XIRP2: variants seen among roughly 807,000 people sequenced by gnomAD.
XIRP2 encodes the protein xin actin binding repeat containing 2.
A neutral mutation model predicts 277.0 loss-of-function variants in XIRP2; 236 were observed. The observed-to-expected ratio is 0.85, with a 90% CI of 0.77 to 0.95. The LOEUF (loss-of-function observed/expected upper bound fraction) is 0.95, where lower values mean the gene tolerates loss of function less well. Among genes scored for constraint, XIRP2 ranks in the 40% least tolerant of loss-of-function variants. XIRP2 has a pLI of 0.00. For synonymous variants in XIRP2, 1,490 were observed against 1,416.5 expected (o/e 1.05, Z -1.17); for missense variants, 4,640 against 4,157.5 (o/e 1.12, Z -3.19).
chr2:167,070,620 T>C (rs1340120073), intron 2 of XIRP2, among the ~76,000 whole-genome samples: 1 of 152,236 alleles, frequency 6.6e-6, no homozygotes, highest in Non-Finnish European at 1.5e-5. Context: ...CTGTTTCTTA[T>C]CAGACAATAA....
intron 2 of XIRP2, among the ~76,000 whole-genome samples, chr2:167,117,680 C>T (rs1690933638): frequency 6.6e-6 from 1 of 152,204 alleles, no homozygotes; most frequent in Non-Finnish European, 1.5e-5. Context: ...TCTCATACAG[C>T]TTGAGATGAT....
chr2:167,052,616 A>G (rs1026394035), intron 2 of XIRP2, among the ~76,000 whole-genome samples: 1 of 152,176 alleles, frequency 6.6e-6, no homozygotes. Context: ...TTGTAAAATG[A>G]TGATTTATTT....
chr2:167,019,811 G>A (rs1042711812), intron 2 of XIRP2, among the ~76,000 whole-genome samples: 1 of 151,994 alleles, frequency 6.6e-6, no homozygotes, highest in African/African-American at 2.4e-5. Flanking sequence ...AATTCCTCAA[G>A]TTGTTACACT....
chr2:167,085,950 T>G (rs991349119), intron 2 of XIRP2, among the ~76,000 whole-genome samples: 3 of 152,162 alleles, frequency 2.0e-5, no homozygotes, highest in Non-Finnish European at 4.4e-5. Flanking sequence ...ACATTTAAAG[T>G]TAATATTGTT....
chr2:167,225,990 A>G (rs1694587493), intron 5 of XIRP2, among the ~76,000 whole-genome samples: 2 of 152,190 alleles, frequency 1.3e-5, no homozygotes, highest in African/African-American at 4.8e-5. Context: ...CATCAGTAAT[A>G]TTCATACAGC....
At chr2:167,114,312 G>C (rs1690835508) in intron 2 of XIRP2, among the ~76,000 whole-genome samples, 1 of 152,044 alleles carries the variant, frequency 6.6e-6, no homozygotes, top group Admixed American at 6.6e-5. Context: ...TTTCTCTGAG[G>C]TTTTGTTTAT....
At chr2:167,126,886 G>A (rs1194604223) in intron 2 of XIRP2, among the ~76,000 whole-genome samples, 1 of 152,140 alleles carries the variant, frequency 6.6e-6, no homozygotes, top group Non-Finnish European at 1.5e-5. Flanking sequence ...AATTCCATGA[G>A]TATAATACAA....
At chr2:167,165,242 A>G (rs1218901441) in intron 3 of XIRP2, among the ~76,000 whole-genome samples, 1 of 152,198 alleles carries the variant, frequency 6.6e-6, no homozygotes, top group Non-Finnish European at 1.5e-5. Flanking sequence ...TTGTCCATTC[A>G]CCTACTGAAG....
rs1239761591 is a variant in XIRP2 at position 167,210,720 on chromosome 2, T to C, written c.563-15T>C. 3 of 1,613,848 alleles carry C rather than the reference T, an allele frequency of 1.9e-6. No individual in the cohort carries two copies. Among genetic ancestry groups the C allele is most frequent in the Admixed American group, 1.7e-5 (1 of 59,994 alleles). ...GCTTAACACACATGTGTAAGCATGCTCTGTTTGCTTTCAGCGACTGCTGGC... is the reference window on the plus strand; with the variant it reads ...GCTTAACACACATGTGTAAGCATGCCCTGTTTGCTTTCAGCGACTGCTGGC... On this transcript the variant is annotated splice_polypyrimidine_tract_variant and intron_variant, in intron 3 of 10. Transcript: ENST00000409195.
At chr2:167,208,592 G>A (rs572950094) in intron 3 of XIRP2, among the ~76,000 whole-genome samples, 13 of 152,262 alleles carry the variant, frequency 8.5e-5, no homozygotes, top group Non-Finnish European at 1.3e-4. Context: ...ACAGGTGTGA[G>A]CCACCGCGCC....
chr2:167,030,737 G>T (rs188000180), intron 2 of XIRP2, among the ~76,000 whole-genome samples: 1 of 151,988 alleles, frequency 6.6e-6, no homozygotes, highest in Non-Finnish European at 1.5e-5. Context: ...CGCTTGGTGC[G>T]GAGCTGAGTT....
chr2:166,962,138 G>T (rs76299145), intron 2 of XIRP2, among the ~76,000 whole-genome samples: 4,593 of 151,706 alleles, frequency 0.03, 98 homozygotes, highest in East Asian at 0.079. Flanking sequence ...AGAATCCTGG[G>T]CACCTGGCCA....
intron 2 of XIRP2, among the ~76,000 whole-genome samples, chr2:166,977,450 ATATT>A (rs762714932): frequency 3.3e-5 from 5 of 152,168 alleles, no homozygotes; most frequent in Non-Finnish European, 7.4e-5. Context: ...AATTTGGAAG[ATATT>A]TATAGTGAAC....
chr2:167,215,949 A>G (rs577942216), intron 4 of XIRP2, among the ~76,000 whole-genome samples: 4 of 152,190 alleles, frequency 2.6e-5, no homozygotes, highest in Admixed American at 2.6e-4. Flanking sequence ...TTTCTATGGA[A>G]CAGAACAGAG....
At chr2:167,070,218 A>G (rs1689404490) in intron 2 of XIRP2, among the ~76,000 whole-genome samples, 1 of 152,016 alleles carries the variant, frequency 6.6e-6, no homozygotes, top group Non-Finnish European at 1.5e-5. Context: ...TCTTCCTTGT[A>G]TTTGGATCCC....
At chr2:167,154,686 C>T (rs1036063144) in intron 3 of XIRP2, among the ~76,000 whole-genome samples, 1 of 152,012 alleles carries the variant, frequency 6.6e-6, no homozygotes, top group African/African-American at 2.4e-5. Context: ...ATTAAAAGAA[C>T]TAGAAAAGCA....
chr2:166,926,028 G>C (rs1302042826), intron 2 of XIRP2, among the ~76,000 whole-genome samples: 1 of 151,874 alleles, frequency 6.6e-6, no homozygotes, highest in Non-Finnish European at 1.5e-5. Flanking sequence ...AAGCTACAAT[G>C]GTGCTACTGT....
intron 2 of XIRP2, among the ~76,000 whole-genome samples, chr2:167,027,881 C>T (rs1425273547): frequency 6.6e-6 from 1 of 152,018 alleles, no homozygotes; most frequent in African/African-American, 2.4e-5. Flanking sequence ...GTTAAAACTT[C>T]AGGATCTCTT....
chr2:167,250,034 C>A lies in XIRP2; in HGVS notation c.8642C>A (p.Ala2881Asp). 1 of 1,613,494 alleles carries A rather than the reference C, an allele frequency of 6.2e-7. No individual in the cohort carries two copies. The highest frequency in any genetic ancestry group is 8.5e-7 in the Non-Finnish European group (1 of 1,179,676). The change falls in exon 9 of 11, where the codon GCT becomes GAT. Residue 2881 changes from alanine to aspartate, a missense_variant. Physicochemically the swap from Ala to Asp is moderately radical, Grantham distance 126. Coordinates refer to ENST00000409195, the MANE Select transcript of XIRP2 (RefSeq NM_152381.6). The stretch of plus-strand genomic sequence containing the variant: ...CAAATACAGACCGCTGAAAGTAAAG[C>A]TGAACATAAAAAATTGCCCCAGCCA... The part of the protein sequence containing the change: ...QTQIQTAESK[A>D]EHKKLPQPYN...
Sources: gnomAD v4.1 joint callset for allele counts (sites outside exome capture counted in the v4.1 genomes callset) on GRCh38, gnomAD v4.1.1 for gene constraint, MANE v1.5 for transcripts, NCBI Gene and HGNC (gene_info 2026-07-23, HGNC 2026-07-21) for gene names.